The following VPS33B variants were observed in gnomAD, a reference collection of about 807,000 sequenced individuals.
The protein encoded by VPS33B is VPS33B late endosome and lysosome associated.
A neutral mutation model predicts 95.3 loss-of-function variants in VPS33B; 80 were observed. The ratio of observed to expected loss-of-function variants is 0.84; its 90% CI spans 0.70 to 1.01. VPS33B has a LOEUF of 1.01. Among genes scored for constraint, VPS33B ranks in the 50% least tolerant of loss-of-function variants. VPS33B has a pLI of 0.00. For missense variants in VPS33B, 715 were observed against 773.4 expected, an observed-to-expected ratio of 0.92 and a Z score of 0.90; for synonymous variants, 280 against 280.4, an observed-to-expected ratio of 1.00 and a Z score of 0.01.
At position 91,018,383 on chromosome 15, in the gene VPS33B, G is replaced by C. The variant is rs1337885107; in HGVS notation, c.97-498C>G. The stretch of plus-strand genomic sequence containing the variant: ...TCCACTCCCCCACCCCACAATCCCT[G>C]TCATACGATTCCTGCACCACCACTC... On this transcript the variant is annotated intron_variant, in intron 1 of 22. Coordinates refer to ENST00000333371, the MANE Select transcript of VPS33B (RefSeq NM_018668.5). This position sits in a 1 kb window ranked among gnomAD's most constrained non-coding sequence, Gnocchi z 4.7. 6.6e-6 allele frequency among the ~76,000 whole-genome samples: 1 copy of C among 152,056 alleles called. No homozygotes were observed.
chr15:91,014,937 A>G (rs2040880950), intron 3 of VPS33B, among the ~76,000 whole-genome samples: 1 of 152,164 alleles, frequency 6.6e-6, no homozygotes, highest in Non-Finnish European at 1.5e-5. Context: ...AAATAATAAT[A>G]GTGCTGTAAT....
intron 3 of VPS33B, 66 bp from the exon 4 acceptor site, chr15:91,014,499 A>C: frequency 6.4e-7 from 1 of 1,559,472 alleles, no homozygotes; most frequent in Non-Finnish European, 8.8e-7. Flanking sequence ...ACTTAGAAGA[A>C]ACTGAAACAA....
In VPS33B at chr15:91,007,194, CTG is replaced by C. The variant is rs2040635074; in HGVS notation, c.604-150_604-149del. 4 of 852,016 alleles carry C rather than the reference CTG, an allele frequency of 4.7e-6. No individual in the cohort carries two copies. The Admixed American group carries it at 7.9e-5, about 17-fold the overall frequency. The allele number at this position is 852,016 out of a possible 1,614,324, so 52.8% of individuals were successfully genotyped here. A position where few individuals can be genotyped will look rare whatever the true frequency, so the allele number is the denominator to read the frequency against. On this transcript the variant is annotated intron_variant, in intron 8 of 22. Transcript: ENST00000333371. The surrounding 1 kb of genome is among the most constrained non-coding windows in gnomAD (Gnocchi z 5.3). ...ACAATATGGCCCTATCTACTCCCGT[CTG>C]TGTCTATCTTTCCCCAACACTCTTC...
intron 1 of VPS33B, 98 bp downstream of exon 1, chr15:91,022,056 G>C (rs1023331895): frequency 2.2e-6 from 3 of 1,375,442 alleles, no homozygotes; most frequent in Non-Finnish European, 2.0e-6. Context: ...ACAATACCAG[G>C]GGCCAAGAAC....
chr15:91,013,797 A>G lies in VPS33B; in HGVS notation c.357+7T>C, dbSNP rs747859491. ...CTTATCCCACTTCCTCCAGGATCCA[A>G]ACTCACCTTTTGAGGGCTGAAGATC... On this transcript the variant is annotated splice_region_variant and intron_variant, in intron 5 of 22. Transcript: ENST00000333371. The surrounding 1 kb of genome is among the most constrained non-coding windows in gnomAD (Gnocchi z 4.5). 18 of 1,613,958 alleles carry G rather than the reference A, an allele frequency of 1.1e-5. No homozygotes were observed. In the East Asian group the frequency reaches 2.5e-4, roughly 22 times the overall value.
At position 91,005,517 on chromosome 15, in the gene VPS33B, C is replaced by T. The variant is rs1196530658; in HGVS notation, c.1031-63G>A. The T allele has an allele frequency of 5.5e-5, 89 of 1,610,978 alleles. No individual in the cohort carries two copies. The highest frequency in any genetic ancestry group is 1.3e-4 in the Admixed American group (8 of 59,990). Reference sequence around the variant, plus strand: ...TCTAGAAAGATGTCCCTTTATTGTCCGGAAGAATAAAAAACCTCCTAAGGC... The same window carrying T: ...TCTAGAAAGATGTCCCTTTATTGTCTGGAAGAATAAAAAACCTCCTAAGGC... On this transcript the variant is annotated intron_variant, in intron 13 of 22. Coordinates refer to ENST00000333371, the MANE Select transcript of VPS33B (RefSeq NM_018668.5). This position sits in a 1 kb window ranked among gnomAD's most constrained non-coding sequence, Gnocchi z 6.4.
rs1567225818 is a variant in VPS33B, at chr15:91,011,333, T to C, written c.358-1487A>G. On this transcript the variant is annotated intron_variant, in intron 5 of 22. Transcript: ENST00000333371. The surrounding 1 kb of genome is among the most constrained non-coding windows in gnomAD (Gnocchi z 5.5). ...CAGGAATCACTTGTCTTCATCTTCA[T>C]ACTAGCTCTGTGAGATGTAGATCAA... Among the ~76,000 whole-genome samples the C allele has an allele frequency of 2.0e-5, 3 of 152,256 alleles. No homozygotes were observed. The highest frequency in any genetic ancestry group is 7.2e-5 in the African/African-American group (3 of 41,468).
Position 91,007,189 on chromosome 15 carries a change from C to T in VPS33B, c.604-143G>A. On this transcript the variant is annotated intron_variant, in intron 8 of 22. Coordinates refer to ENST00000333371, the MANE Select transcript of VPS33B (RefSeq NM_018668.5). This position sits in a 1 kb window ranked among gnomAD's most constrained non-coding sequence, Gnocchi z 5.3. The stretch of plus-strand genomic sequence containing the variant: ...TATTCACAATATGGCCCTATCTACT[C>T]CCGTCTGTGTCTATCTTTCCCCAAC... The T allele has an allele frequency of 3.4e-6, 3 of 885,480 alleles. No homozygotes were observed. Among genetic ancestry groups the T allele is most frequent in the Non-Finnish European group, 5.5e-6 (3 of 546,144 alleles). The allele number at this position is 885,480 out of a possible 1,614,324, so 54.9% of individuals were successfully genotyped here. A position where few individuals can be genotyped will look rare whatever the true frequency, so the allele number is the denominator to read the frequency against.
In VPS33B at chr15:91,022,444, G is replaced by A; in HGVS notation, c.-195C>T. On this transcript the variant is annotated 5_prime_UTR_variant, in exon 1 of 23. Transcript: ENST00000333371. The stretch of plus-strand genomic sequence containing the variant: ...TCCAGGCAAGAGAGCTACTACCTCG[G>A]AGCAGCCTTGTCTCAGACCTGCAGC... 1 of 552,154 alleles carries A rather than the reference G, an allele frequency of 1.8e-6. No individual in the cohort carries two copies. Among genetic ancestry groups the A allele is most frequent in the Non-Finnish European group, 3.2e-6 (1 of 309,864 alleles). 34.2% of individuals were successfully genotyped at this position (552,154 alleles called of 1,614,324 possible).
At position 91,006,322 on chromosome 15, in the gene VPS33B, G is replaced by A. The variant is rs1567222431; in HGVS notation, c.852+50C>T. The A allele has an allele frequency of 7.2e-7, 1 of 1,397,882 alleles. No individual in the cohort carries two copies. Among genetic ancestry groups the A allele is most frequent in the Non-Finnish European group, 9.7e-7 (1 of 1,030,288 alleles). The allele number at this position is 1,397,882 out of a possible 1,614,324, so 86.6% of individuals were successfully genotyped here. On this transcript the variant is annotated intron_variant, in intron 11 of 22. Coordinates refer to ENST00000333371, the MANE Select transcript of VPS33B (RefSeq NM_018668.5). The surrounding 1 kb of genome is among the most constrained non-coding windows in gnomAD (Gnocchi z 5.4). Reference sequence around the variant, plus strand: ...GTATAAGCAGGGGGCCCACAGCCTGGTATAAGCAGTGGCCCTAGGTGGGCC... The same window carrying A: ...GTATAAGCAGGGGGCCCACAGCCTGATATAAGCAGTGGCCCTAGGTGGGCC...
intron 1 of VPS33B, among the ~76,000 whole-genome samples, chr15:91,021,896 T>C (rs897964488): frequency 2.0e-5 from 3 of 152,220 alleles, no homozygotes; most frequent in Non-Finnish European, 4.4e-5. Flanking sequence ...CTTAACCATC[T>C]TTCCGTCCCT....
Position 91,022,193 on chromosome 15 carries a change from C to A in VPS33B, c.57G>T (p.Lys19Asn), listed in dbSNP as rs1210213502. The change falls in exon 1 of 23, where the codon AAG becomes AAT. Residue 19 changes from lysine to asparagine, a missense_variant. Physicochemically the swap from Lys to Asn is moderately conservative, Grantham distance 94. Coordinates refer to ENST00000333371, the MANE Select transcript of VPS33B (RefSeq NM_018668.5). ...AGATGAGCTGGTCTCGAGCCAGCCT[C>A]TTCAGCATGGAGAAGTCAGGCAGCT... ...APELPDFSML[K>N]RLARDQLIYL... The A allele has an allele frequency of 3.8e-6, 6 of 1,585,388 alleles. No homozygotes were observed. The highest frequency in any genetic ancestry group is 5.2e-6 in the Non-Finnish European group (6 of 1,164,250).
intron 3 of VPS33B, 75 bp downstream of exon 3, chr15:91,016,888 G>A (rs1468002905): frequency 8.6e-6 from 12 of 1,401,602 alleles, no homozygotes; most frequent in Admixed American, 3.4e-5. Flanking sequence ...CTCAGCCAAG[G>A]ACAGATGAAA....
rs1348448813 is a variant in VPS33B at position 90,998,746 on chromosome 15, C to T, written c.*229G>A. On this transcript the variant is annotated 3_prime_UTR_variant, in exon 23 of 23. Transcript: ENST00000333371. The surrounding 1 kb of genome is among the most constrained non-coding windows in gnomAD (Gnocchi z 4.8). ...TTAGCAAAGGATGCCTCTTCCTGCT[C>T]GCATCTTAGCAGCATGGGTTGTACT... 1.7e-5 allele frequency: 10 copies of T among 604,874 alleles called. No homozygotes were observed. The highest frequency in any genetic ancestry group is 4.3e-4 in the Middle Eastern group (1 of 2,344). The allele number at this position is 604,874 out of a possible 1,614,324, so 37.5% of individuals were successfully genotyped here.
Position 91,018,418 on chromosome 15 carries a change from A to AT in VPS33B, c.97-534dup, listed in dbSNP as rs1263694007. Among the ~76,000 whole-genome samples the AT allele has an allele frequency of 6.6e-6, 1 of 152,160 alleles. No homozygotes were observed. The highest frequency in any genetic ancestry group is 2.4e-5 in the African/African-American group (1 of 41,432). ...TCCTGCACCACCACTCCTGACACCG[A>AT]TCTCAATGTCTGTTCAGAGGAAGGA... On this transcript the variant is annotated intron_variant, in intron 1 of 22. Transcript: ENST00000333371. The surrounding 1 kb of genome is among the most constrained non-coding windows in gnomAD (Gnocchi z 4.7).
In VPS33B at chr15:91,002,587, G is replaced by A. The variant is rs533100692; in HGVS notation, c.1273-405C>T. Among the ~76,000 whole-genome samples the A allele has an allele frequency of 2.5e-4, 37 of 149,132 alleles. No individual in the cohort carries two copies. The highest frequency in any genetic ancestry group is 1.5e-3 in the South Asian group (7 of 4,766). ...AGAGGCTGCAGTGAGTGGAGATCGCGCCACTGCACTCTAGCTTGGGCAACA... is the reference window on the plus strand; with the variant it reads ...AGAGGCTGCAGTGAGTGGAGATCGCACCACTGCACTCTAGCTTGGGCAACA... On this transcript the variant is annotated intron_variant, in intron 17 of 22. Coordinates refer to ENST00000333371, the MANE Select transcript of VPS33B (RefSeq NM_018668.5). The surrounding 1 kb of genome is among the most constrained non-coding windows in gnomAD (Gnocchi z 4.7).
rs149829939 is a variant in VPS33B, at chr15:91,014,167, C to T, written c.289+217G>A. Among the ~76,000 whole-genome samples, 226 of 145,072 alleles carry T rather than the reference C, an allele frequency of 1.6e-3. 2 individuals carry two copies. The highest frequency in any genetic ancestry group is 0.011 in the Middle Eastern group (3 of 280). Reference sequence around the variant, plus strand: ...CCAGGAGGCGGAGGTTGCAGTGAGCCGAGATCGTGCCATTGCACTCCAGAC... The same window carrying T: ...CCAGGAGGCGGAGGTTGCAGTGAGCTGAGATCGTGCCATTGCACTCCAGAC... On this transcript the variant is annotated intron_variant, in intron 4 of 22. Coordinates refer to ENST00000333371, the MANE Select transcript of VPS33B (RefSeq NM_018668.5).
rs780345011 is a variant in VPS33B, at chr15:91,006,628, G to T, written c.778+24C>A. 6.2e-7 allele frequency: 1 copy of T among 1,614,148 alleles called. No individual in the cohort carries two copies. The highest frequency in any genetic ancestry group is 8.5e-7 in the Non-Finnish European group (1 of 1,179,966). ...GCTGATGACCCGTCCATCTTGCCAA[G>T]ATGCAGAGGACCATAGCACTTACCA... is the stretch of plus-strand genomic sequence containing the variant. On this transcript the variant is annotated intron_variant, in intron 10 of 22. Coordinates refer to ENST00000333371, the MANE Select transcript of VPS33B (RefSeq NM_018668.5). The surrounding 1 kb of genome is among the most constrained non-coding windows in gnomAD (Gnocchi z 5.4).
Position 91,006,697 on chromosome 15 carries a change from C to T in VPS33B, c.733G>A (p.Val245Met), listed in dbSNP as rs771674158. 19 of 1,614,090 alleles carry T rather than the reference C, an allele frequency of 1.2e-5. No individual in the cohort carries two copies. Among genetic ancestry groups the T allele is most frequent in the Non-Finnish European group, 1.6e-5 (19 of 1,180,050 alleles). ...VDFVTALCSQ[V>M]VYEGLVDDTF... ...TCATCTACTAGGCCCTCATAAACCA[C>T]TTGGGAGCAAAGTGCTGTCACAAAG... The change falls in exon 10 of 23, where the codon GTG (valine) becomes ATG (methionine). Residue 245 changes from valine to methionine, a missense_variant. By Grantham distance (21) the Val-to-Met change is conservative. Transcript: ENST00000333371. This position sits in a 1 kb window ranked among gnomAD's most constrained non-coding sequence, Gnocchi z 5.4.
Sources: gnomAD v4.1 joint callset for allele counts (sites outside exome capture counted in the v4.1 genomes callset) on GRCh38, gnomAD v4.1.1 for gene constraint, Gnocchi (gnomAD v3.1) non-coding constraint, MANE v1.5 for transcripts, NCBI Gene and HGNC (gene_info 2026-07-23, HGNC 2026-07-21) for gene names.